The following LEKR1 variants were observed in gnomAD, a reference collection of about 807,000 sequenced individuals.
The protein encoded by LEKR1 is leucine, glutamate and lysine rich 1, also known as protein LEKR1.
Under a neutral mutation model 72.4 loss-of-function variants are expected in LEKR1, and 59 were observed. The observed-to-expected ratio is 0.82, with a 90% confidence interval of 0.66 to 1.01. The LOEUF is 1.01. LEKR1 is among the 50% of genes least tolerant of loss of function. The pLI, the probability that LEKR1 is intolerant of heterozygous loss-of-function variation, is 0.00. For missense variants in LEKR1, 728 were observed against 759.2 expected, an observed-to-expected ratio of 0.96 and a Z score of 0.48; for synonymous variants, 257 against 263.2, an observed-to-expected ratio of 0.98 and a Z score of 0.23.
At chr3:157,029,407 AGAAGGTT>A in intron 12 of LEKR1, among the ~76,000 whole-genome samples, 1 of 152,256 alleles carries the variant, frequency 6.6e-6, no homozygotes, top group East Asian at 1.9e-4. Flanking sequence ...AAGAGACTGA[AGAAGGTT>A]GAATAATTTC....
intron 5 of LEKR1, among the ~76,000 whole-genome samples, chr3:156,931,817 T>A (rs1405535376): frequency 6.6e-6 from 1 of 152,016 alleles, no homozygotes; most frequent in Admixed American, 6.6e-5. Flanking sequence ...GGGGAAAAAA[T>A]GTTTGCCATG....
chr3:156,996,533 G>C (rs1198644618), intron 9 of LEKR1, among the ~76,000 whole-genome samples: 1 of 152,248 alleles, frequency 6.6e-6, no homozygotes, highest in Non-Finnish European at 1.5e-5. Flanking sequence ...AAGCAGAAGA[G>C]TGACACTGTA....
At chr3:156,862,696 T>C (rs1716903518) in intron 3 of LEKR1, among the ~76,000 whole-genome samples, 1 of 152,088 alleles carries the variant, frequency 6.6e-6, no homozygotes, top group African/African-American at 2.4e-5. Context: ...ATTGACTAAT[T>C]TCACAAAGGA....
At chr3:157,009,120 A>C (rs1275211857) in intron 9 of LEKR1, among the ~76,000 whole-genome samples, 3 of 152,140 alleles carry the variant, frequency 2.0e-5, no homozygotes, top group Admixed American at 2.0e-4. Flanking sequence ...ACATTATTAC[A>C]GTGCTATTCT....
intron 2 of LEKR1, among the ~76,000 whole-genome samples, chr3:156,832,128 G>T (rs904277642): frequency 6.6e-6 from 1 of 152,110 alleles, no homozygotes; most frequent in African/African-American, 2.4e-5. Context: ...AGATCCCAAG[G>T]TCTGCATAAG....
rs557759916 is a variant in LEKR1 at position 156,845,851 on chromosome 3, A to T, written c.49-6917A>T. 9.5e-4 allele frequency among the ~76,000 whole-genome samples: 144 copies of T among 152,248 alleles called. No homozygotes were observed. In the South Asian group the frequency reaches 0.014, roughly 15 times the overall value. On this transcript the variant is annotated intron_variant, in intron 2 of 12. Coordinates refer to ENST00000356539, the MANE Select transcript of LEKR1 (RefSeq NM_001004316.3). The stretch of plus-strand genomic sequence containing the variant: ...TACAAATTTGAGAATAACTCTTTCT[A>T]TATATAAAATATCTTGCTGAGATTT...
chr3:156,922,872 T>C (rs1462892276), intron 4 of LEKR1, among the ~76,000 whole-genome samples: 1 of 152,210 alleles, frequency 6.6e-6, no homozygotes, highest in African/African-American at 2.4e-5. Flanking sequence ...TATTTACTTT[T>C]AGAGGATTAC....
At position 156,899,483 on chromosome 3, in the gene LEKR1, TAC is replaced by T. The variant is rs199967388; in HGVS notation, c.264-21090_264-21089del. On this transcript the variant is annotated intron_variant, in intron 3 of 12. Transcript: ENST00000356539. ...ATATATACATGTATATATACATACA[TAC>T]ATATATACACATATATACATGTATA... 3.8e-3 allele frequency among the ~76,000 whole-genome samples: 448 copies of T among 117,322 alleles called. 14 individuals carry two copies. The highest frequency in any genetic ancestry group is 6.1e-3 in the Non-Finnish European group (347 of 57,220). The allele number at this position is 117,322 out of a possible 152,430, so 77.0% of individuals were successfully genotyped here.
intron 6 of LEKR1, among the ~76,000 whole-genome samples, chr3:156,975,949 A>G (rs185143353): frequency 3.3e-5 from 5 of 152,320 alleles, no homozygotes; most frequent in Admixed American, 2.0e-4. Flanking sequence ...TTCTTTAACT[A>G]TAGAGAAGGA....
At chr3:156,840,689 C>T (rs1713797694) in intron 2 of LEKR1, among the ~76,000 whole-genome samples, 1 of 152,114 alleles carries the variant, frequency 6.6e-6, no homozygotes, top group Non-Finnish European at 1.5e-5. Flanking sequence ...TGCTGCCTGC[C>T]CTTCAGATTT....
At chr3:156,971,187 A>G (rs1217638836) in intron 6 of LEKR1, among the ~76,000 whole-genome samples, 4 of 152,330 alleles carry the variant, frequency 2.6e-5, no homozygotes, top group East Asian at 1.9e-4. Flanking sequence ...ATAACGCCGC[A>G]TGTCTACGAC....
chr3:156,848,899 T>G (rs1342249423), intron 2 of LEKR1, among the ~76,000 whole-genome samples: 1 of 152,172 alleles, frequency 6.6e-6, no homozygotes, highest in African/African-American at 2.4e-5. Context: ...ATTTTATTCA[T>G]TTTTTATTAT....
chr3:156,959,016 T>C (rs1727891699), intron 6 of LEKR1, among the ~76,000 whole-genome samples: 1 of 152,220 alleles, frequency 6.6e-6, no homozygotes, highest in African/African-American at 2.4e-5. Flanking sequence ...CTTTTGTTAT[T>C]AGCTGACTTA....
rs183403498 is a variant in LEKR1, at chr3:157,039,342, C to T, written c.1669-5998C>T. On this transcript the variant is annotated intron_variant, in intron 12 of 12. Coordinates refer to ENST00000356539, the MANE Select transcript of LEKR1 (RefSeq NM_001004316.3). ...TCCATTTACATAAGAAAGTTCAGGC[C>T]AAGTGTGGTGGCTCACGCCTATAAC... Among the ~76,000 whole-genome samples, 7 of 152,218 alleles carry T rather than the reference C, an allele frequency of 4.6e-5. No individual in the cohort carries two copies. In the East Asian group the frequency reaches 1.2e-3, roughly 25 times the overall value.
chr3:156,883,103 GTAAC>G (rs1433360855), intron 3 of LEKR1, among the ~76,000 whole-genome samples: 1 of 151,940 alleles, frequency 6.6e-6, no homozygotes, highest in East Asian at 1.9e-4. Context: ...GTATACATAT[GTAAC>G]TAACCTGCAC....
At chr3:156,868,690 G>C (rs1717585189) in intron 3 of LEKR1, among the ~76,000 whole-genome samples, 1 of 151,718 alleles carries the variant, frequency 6.6e-6, no homozygotes, top group Non-Finnish European at 1.5e-5. Flanking sequence ...TTCTAAGTTG[G>C]GAATATTTCA....
At chr3:156,992,924 A>G in intron 8 of LEKR1, 150 bp from the exon 9 acceptor site, 1 of 485,882 alleles carries the variant, frequency 2.1e-6, no homozygotes, top group Non-Finnish European at 3.5e-6. Flanking sequence ...AAATATTAAC[A>G]TTATAGAACC....
chr3:156,924,439 C>G, intron 4 of LEKR1: 1 of 606,868 alleles, frequency 1.6e-6, no homozygotes, highest in Admixed American at 2.6e-5. Flanking sequence ...TTAATAATGT[C>G]TTTTGAAAAG....
chr3:157,025,387 G>A (rs1463270123), intron 11 of LEKR1, among the ~76,000 whole-genome samples: 1 of 152,054 alleles, frequency 6.6e-6, no homozygotes, highest in Non-Finnish European at 1.5e-5. Flanking sequence ...TTCTTAAACA[G>A]TATGTTCTAA....
Sources: gnomAD v4.1 joint callset for allele counts (sites outside exome capture counted in the v4.1 genomes callset) on GRCh38, gnomAD v4.1.1 for gene constraint, MANE v1.5 for transcripts, NCBI Gene and HGNC (gene_info 2026-07-23, HGNC 2026-07-21) for gene names.